The following NLRP9 variants were observed in gnomAD, a reference collection of about 807,000 sequenced individuals.
The protein encoded by NLRP9 is NACHT, LRR and PYD domains-containing protein 9.
In NLRP9, 88 loss-of-function variants were observed where a neutral mutation model predicts 83.1. That is an observed-to-expected ratio of 1.06 (90% CI 0.89 to 1.26). The LOEUF is 1.26. Ranked by LOEUF, NLRP9 falls within the 50% of genes most tolerant of loss-of-function variation. The pLI is 0.00. For synonymous variants in NLRP9, 521 were observed against 447.6 expected (o/e 1.16, Z -2.07); for missense variants, 1,308 against 1,179.3 (o/e 1.11, Z -1.60).
chr19:55,710,646 T>TG (rs1351912853), intron 8 of NLRP9, among the ~76,000 whole-genome samples: 1 of 152,162 alleles, frequency 6.6e-6, no homozygotes, highest in Non-Finnish European at 1.5e-5. Context: ...CCTTTCCTCC[T>TG]GCTCCCGCCA....
intron 8 of NLRP9, 153 bp downstream of exon 8, chr19:55,711,647 T>C: frequency 1.1e-6 from 1 of 888,204 alleles, no homozygotes; most frequent in Non-Finnish European, 1.8e-6. Flanking sequence ...TCAATGGTTT[T>C]TATATTTTAT....
chr19:55,734,968 T>C (rs1162084020), intron 1 of NLRP9, among the ~76,000 whole-genome samples: 3 of 152,184 alleles, frequency 2.0e-5, no homozygotes, highest in Non-Finnish European at 4.4e-5. Flanking sequence ...GTTTATCTAA[T>C]GAGTGATGAG....
chr19:55,729,345 C>A (rs1334120941), intron 3 of NLRP9, among the ~76,000 whole-genome samples: 1 of 151,682 alleles, frequency 6.6e-6, no homozygotes, highest in Non-Finnish European at 1.5e-5. Context: ...ATTAACTCGT[C>A]ATTTACATTA....
At chr19:55,734,042 C>T (rs1988702234) in intron 1 of NLRP9, among the ~76,000 whole-genome samples, 1 of 150,970 alleles carries the variant, frequency 6.6e-6, no homozygotes, top group South Asian at 2.1e-4. Context: ...CCTGCCGCAG[C>T]CTCCCGAGTA....
chr19:55,711,511 T>C, intron 8 of NLRP9: 3 of 1,341,480 alleles, frequency 2.2e-6, no homozygotes, highest in Non-Finnish European at 3.0e-6. Context: ...GGTTCTCACC[T>C]GGTGCAACTG....
At chr19:55,729,042 TTC>T (rs1489804204) in intron 3 of NLRP9, among the ~76,000 whole-genome samples, 5 of 130,196 alleles carry the variant, frequency 3.8e-5, no homozygotes, top group Non-Finnish European at 4.7e-5. Flanking sequence ...TATCTTATTT[TTC>T]TTTTTCTTTT....
chr19:55,719,901 T>C (rs1988169704), intron 4 of NLRP9, among the ~76,000 whole-genome samples: 1 of 152,128 alleles, frequency 6.6e-6, no homozygotes, highest in African/African-American at 2.4e-5. Context: ...CAAGACACAT[T>C]AAGCACATTG....
At chr19:55,729,302 T>C (rs536421377) in intron 3 of NLRP9, among the ~76,000 whole-genome samples, 7 of 151,962 alleles carry the variant, frequency 4.6e-5, no homozygotes, top group East Asian at 3.9e-4. Context: ...TTGTTACTTA[T>C]GTATACATGT....
At chr19:55,720,118 T>G (rs566482263) in intron 4 of NLRP9, among the ~76,000 whole-genome samples, 12 of 152,202 alleles carry the variant, frequency 7.9e-5, no homozygotes, top group Non-Finnish European at 1.2e-4. Flanking sequence ...GGTCATCTGG[T>G]TTATAATGAT....
At chr19:55,735,570 C>T (rs938278165) in intron 1 of NLRP9, among the ~76,000 whole-genome samples, 1 of 152,202 alleles carries the variant, frequency 6.6e-6, no homozygotes, top group East Asian at 1.9e-4. Flanking sequence ...TTTCTCTCTA[C>T]AGTAGAATTA....
At chr19:55,710,329 C>T (rs532449460) in intron 8 of NLRP9, among the ~76,000 whole-genome samples, 1 of 152,288 alleles carries the variant, frequency 6.6e-6, no homozygotes, top group Admixed American at 6.5e-5. Flanking sequence ...ATACAGCTCC[C>T]CGGGACTCCC....
intron 7 of NLRP9, 90 bp downstream of exon 7, chr19:55,712,330 C>A (rs1000290200): frequency 8.7e-7 from 1 of 1,149,330 alleles, no homozygotes; most frequent in Non-Finnish European, 1.3e-6. Flanking sequence ...TGCTTTTAAA[C>A]CTGCCTCCCT....
rs1555795754 is a variant in NLRP9 at position 55,729,895 on chromosome 19, C to CA, written c.1929dup (p.Asp644Ter). The CA allele has an allele frequency of 6.2e-7, 1 of 1,613,632 alleles. No individual in the cohort carries two copies. The highest frequency in any genetic ancestry group is 8.5e-7 in the Non-Finnish European group (1 of 1,179,722). On this transcript the variant is annotated frameshift_variant, in exon 3 of 9. Coordinates refer to ENST00000332836, the MANE Select transcript of NLRP9 (RefSeq NM_176820.4). LOFTEE classifies it high-confidence loss of function. ...TTGCAAAGAATCGCCAGGGAGGGAT[C>CA]ATCGAGGCTGGTATTTTCCATGTCT... is the stretch of plus-strand genomic sequence containing the variant.
chr19:55,724,172 T>G (rs950280503), intron 3 of NLRP9, 28 bp from the exon 4 acceptor site: 2 of 1,526,592 alleles, frequency 1.3e-6, no homozygotes, highest in Non-Finnish European at 1.8e-6. Context: ...AAAAATAGCA[T>G]CATGCAATGA....
At chr19:55,729,038 A>ATTTTT (rs1363279841) in intron 3 of NLRP9, among the ~76,000 whole-genome samples, 1 of 105,868 alleles carries the variant, frequency 9.4e-6, no homozygotes, top group Non-Finnish European at 1.9e-5. Context: ...TGCTTATCTT[A>ATTTTT]TTTTTCTTTT....
At position 55,732,524 on chromosome 19, in the gene NLRP9, C is replaced by T. The variant is rs773652137; in HGVS notation, c.1307G>A (p.Arg436Lys). ...CATGAAGGCAAAACAGTCCCCTCTCCTTTGGAGGAGTCTCATACCCACCCA... is the reference window on the plus strand; with the variant it reads ...CATGAAGGCAAAACAGTCCCCTCTCTTTTGGAGGAGTCTCATACCCACCCA... ...VMWVGMRLLQ[R>K]RGDCFAFMHL... is the part of the protein sequence containing the mutation. The change falls in exon 2 of 9, where the codon AGG (arginine) becomes AAG (lysine). Residue 436 changes from arginine to lysine, a missense_variant. Physicochemically the swap from Arg to Lys is conservative, Grantham distance 26. Coordinates refer to ENST00000332836, the MANE Select transcript of NLRP9 (RefSeq NM_176820.4). 8 of 1,614,208 alleles carry T rather than the reference C, an allele frequency of 5.0e-6. No individual in the cohort carries two copies. The Admixed American group carries it at 1.2e-4, about 24-fold the overall frequency.
Position 55,733,057 on chromosome 19 carries a change from G to T in NLRP9, c.774C>A (p.Ser258Arg). 1 of 1,613,858 alleles carries T rather than the reference G, an allele frequency of 6.2e-7. No individual in the cohort carries two copies. Among genetic ancestry groups the T allele is most frequent in the African/African-American group, 1.3e-5 (1 of 75,030 alleles). The change falls in exon 2 of 9, where the codon AGC becomes AGA. Residue 258 changes from serine (S) to arginine (R), a missense_variant. Coordinates refer to ENST00000332836, the MANE Select transcript of NLRP9 (RefSeq NM_176820.4). Reference sequence around the variant, plus strand: ...GAAGCATCTTTTTTTGCAACAAACTGCTCAGGATAATTGGCATTGGCTGCC... The same window carrying T: ...GAAGCATCTTTTTTTGCAACAAACTTCTCAGGATAATTGGCATTGGCTGCC... ...RQRQPMPIIL[S>R]SLLQKKMLPE...
intron 1 of NLRP9, among the ~76,000 whole-genome samples, chr19:55,737,758 AAAGAT>A (rs1386486773): frequency 7.1e-6 from 1 of 140,520 alleles, no homozygotes; most frequent in Non-Finnish European, 1.5e-5. Context: ...AAAAAAAAAA[AAAGAT>A]AGGCAACTAC....
At chr19:55,720,857 G>A (rs1988203632) in intron 4 of NLRP9, among the ~76,000 whole-genome samples, 1 of 152,220 alleles carries the variant, frequency 6.6e-6, no homozygotes, top group Admixed American at 6.5e-5. Flanking sequence ...GGCTACATCA[G>A]CACATCAAAC....
Sources: allele counts gnomAD v4.1 joint callset (sites outside exome capture counted in the v4.1 genomes callset), GRCh38; gene constraint gnomAD v4.1.1; transcripts MANE v1.5; gene names NCBI Gene and HGNC (gene_info 2026-07-23, HGNC 2026-07-21).